Variants in DDR2 observed in about 807,000 individuals in gnomAD.
DDR2 encodes discoidin domain receptor tyrosine kinase 2.
Under a neutral mutation model 94.9 loss-of-function variants are expected in DDR2, and 27 were observed. The observed-to-expected ratio is 0.28, with a 90% CI of 0.21 to 0.39. DDR2 has a LOEUF of 0.39. Among genes scored for constraint, DDR2 ranks in the 10% least tolerant of loss-of-function variants. The pLI, the probability that DDR2 is intolerant of heterozygous loss-of-function variation, is 1.00. For missense variants in DDR2, 783 were observed against 1,076.0 expected (o/e 0.73, Z 3.81); for synonymous variants, 382 against 377.2 (o/e 1.01, Z -0.15).
At chr1:162,774,437 T>G (rs778823009) in intron 14 of DDR2, among the ~76,000 whole-genome samples, 1 of 152,114 alleles carries the variant, frequency 6.6e-6, no homozygotes, top group African/African-American at 2.4e-5. Context: ...AGAATGGTGA[T>G]AGACTTCATT....
intron 4 of DDR2, 55 bp downstream of exon 4, chr1:162,753,252 G>A: frequency 2.0e-6 from 3 of 1,528,514 alleles, no homozygotes; most frequent in Non-Finnish European, 2.7e-6. Flanking sequence ...AGATTTCCTG[G>A]GCACAGATTC....
intron 2 of DDR2, among the ~76,000 whole-genome samples, chr1:162,681,491 T>G (rs1388961295): frequency 6.6e-6 from 1 of 152,186 alleles, no homozygotes. Flanking sequence ...GGTTGTAGTA[T>G]GTTGGACCTG....
rs1317742151 is a variant in DDR2, at chr1:162,641,400, A to G, written c.-192+8769A>G. On this transcript the variant is annotated intron_variant, in intron 1 of 17. Transcript: ENST00000367921. ...TCTCCTCTCATTTTAGCCAAATACC[A>G]CTCTTCTTTGAAGGCCAGCTTAAGT... Among the ~76,000 whole-genome samples the G allele has an allele frequency of 2.6e-5, 4 of 151,490 alleles. No homozygotes were observed. The East Asian group carries it at 5.8e-4, about 22-fold the overall frequency.
intron 1 of DDR2, among the ~76,000 whole-genome samples, chr1:162,648,891 A>T (rs978866600): frequency 1.3e-5 from 2 of 152,168 alleles, no homozygotes; most frequent in African/African-American, 4.8e-5. Flanking sequence ...AGGATTCCAA[A>T]TTGAAATTGC....
chr1:162,718,911 T>C (rs1053196491), intron 2 of DDR2, 126 bp from the exon 3 acceptor site: 10 of 927,118 alleles, frequency 1.1e-5, no homozygotes, highest in Non-Finnish European at 1.7e-5. Flanking sequence ...GTCCCATATA[T>C]AAAAACAAAC....
chr1:162,684,260 C>T (rs543315829), intron 2 of DDR2, among the ~76,000 whole-genome samples: 25 of 152,222 alleles, frequency 1.6e-4, no homozygotes, highest in African/African-American at 6.0e-4. Context: ...TTTAAGGGAA[C>T]ATCCTTCCTT....
intron 13 of DDR2, 121 bp downstream of exon 13, chr1:162,772,368 T>A: frequency 9.5e-7 from 1 of 1,051,990 alleles, no homozygotes; most frequent in Non-Finnish European, 1.4e-6. Flanking sequence ...CATTTGTCTC[T>A]CCTTGCATTG....
chr1:162,728,180 CTT>C (rs1661814108), intron 3 of DDR2, among the ~76,000 whole-genome samples: 1 of 141,872 alleles, frequency 7.0e-6, no homozygotes, highest in Admixed American at 7.1e-5. Context: ...ATAGATATCT[CTT>C]TATATATATA....
chr1:162,746,528 C>T (rs376341514), intron 3 of DDR2, among the ~76,000 whole-genome samples: 108 of 152,346 alleles, frequency 7.1e-4, no homozygotes, highest in African/African-American at 2.3e-3. Context: ...CCTCTGTAGA[C>T]GCCACCTCTG....
chr1:162,769,325 G>A (rs181431693), intron 11 of DDR2, among the ~76,000 whole-genome samples: 250 of 152,308 alleles, frequency 1.6e-3, no homozygotes, highest in African/African-American at 5.9e-3. Context: ...ATTTTATGTG[G>A]AAAATCATTA....
chr1:162,784,346 T>C lies in DDR2; in HGVS notation c.*4100T>C, dbSNP rs1395183926. On this transcript the variant is annotated 3_prime_UTR_variant, in exon 18 of 18. Coordinates refer to ENST00000367921, the MANE Select transcript of DDR2 (RefSeq NM_006182.4). ...AATTGCAATACATGGCTACTAAGTC[T>C]TTGATCATAAGTCGAATTTATAGAC... 6.5e-6 allele frequency: 1 copy of C among 154,264 alleles called. No homozygotes were observed. Among genetic ancestry groups the C allele is most frequent in the Non-Finnish European group, 1.5e-5 (1 of 68,180 alleles). The allele number at this position is 154,264 out of a possible 1,614,324, so 9.6% of individuals were successfully genotyped here.
At chr1:162,631,183 TGTGTG>T (rs1303700366), upstream of DDR2, among the ~76,000 whole-genome samples, 1 of 1,412 alleles carries the variant, frequency 7.1e-4, no homozygotes, top group Non-Finnish European at 2.0e-3. Context: ...CCACCCTCAT[TGTGTG>T]TGTGTGTGTG....
At chr1:162,745,664 T>A (rs1662819531) in intron 3 of DDR2, among the ~76,000 whole-genome samples, 1 of 152,172 alleles carries the variant, frequency 6.6e-6, no homozygotes, top group Admixed American at 6.5e-5. Flanking sequence ...CTCTCTATTC[T>A]GTCCTATTGG....
At chr1:162,690,746 G>A (rs1659926850) in intron 2 of DDR2, among the ~76,000 whole-genome samples, 2 of 152,164 alleles carry the variant, frequency 1.3e-5, no homozygotes, top group South Asian at 4.1e-4. Flanking sequence ...TTATAATAGT[G>A]AGTAATTTTT....
chr1:162,756,158 A>G (rs1040510830), intron 7 of DDR2, among the ~76,000 whole-genome samples: 2 of 152,230 alleles, frequency 1.3e-5, no homozygotes, highest in African/African-American at 4.8e-5. Flanking sequence ...CAAGTCAAGA[A>G]GTCAGAAAGA....
chr1:162,656,284 G>T (rs1345353144), intron 2 of DDR2, among the ~76,000 whole-genome samples: 1 of 152,162 alleles, frequency 6.6e-6, no homozygotes, highest in East Asian at 1.9e-4. Flanking sequence ...ACTGTATTCT[G>T]CACAGCTTCT....
intron 2 of DDR2, among the ~76,000 whole-genome samples, chr1:162,678,373 CAGAGT>C (rs1377735729): frequency 6.6e-6 from 1 of 152,192 alleles, no homozygotes; most frequent in Admixed American, 6.5e-5. Context: ...GTGCATGACG[CAGAGT>C]AAACACGTTA....
At chr1:162,777,244 C>T (rs1227420438) in intron 16 of DDR2, among the ~76,000 whole-genome samples, 1 of 151,898 alleles carries the variant, frequency 6.6e-6, no homozygotes, top group Non-Finnish European at 1.5e-5. Context: ...TCTATGCATG[C>T]AATTTTTTTT....
intron 1 of DDR2, among the ~76,000 whole-genome samples, chr1:162,633,939 C>T (rs4518873): frequency 0.59 from 89,838 of 152,140 alleles, 28,588 homozygotes; most frequent in Middle Eastern, 0.71. Context: ...AGGACATTAA[C>T]GCTTAGAGAA....
Sources: gnomAD v4.1 joint callset for allele counts (sites outside exome capture counted in the v4.1 genomes callset) on GRCh38, gnomAD v4.1.1 for gene constraint, MANE v1.5 for transcripts, NCBI Gene and HGNC (gene_info 2026-07-23, HGNC 2026-07-21) for gene names.